Variants in CHD5 observed in about 807,000 individuals in gnomAD.
The protein encoded by CHD5 is chromodomain helicase DNA binding protein 5.
Under a neutral mutation model 230.3 loss-of-function variants are expected in CHD5, and 69 were observed. The observed-to-expected ratio is 0.30, with a 90% CI of 0.25 to 0.37. CHD5 has a LOEUF of 0.37. Among genes scored for constraint, CHD5 ranks in the 10% least tolerant of loss-of-function variants. The probability of loss-of-function intolerance (pLI) is 1.00; values close to 1 mark genes in which losing one functional copy is unlikely to be tolerated. For missense variants in CHD5, 1,827 were observed against 2,622.8 expected, an observed-to-expected ratio of 0.70 and a Z score of 6.63; for synonymous variants, 1,064 against 1,065.9, an observed-to-expected ratio of 1.00 and a Z score of 0.03.
chr1:6,142,064 C>A lies in CHD5; in HGVS notation c.2436+64G>T. 6.9e-7 allele frequency: 1 copy of A among 1,454,672 alleles called. No homozygotes were observed. The highest frequency in any genetic ancestry group is 9.6e-7 in the Non-Finnish European group (1 of 1,039,300). The allele number at this position is 1,454,672 out of a possible 1,614,324, so 90.1% of individuals were successfully genotyped here. ...AGGGACCCCAAAGGAGTGCACGGCA[C>A]CCGTGGTCCCTGAACTAGACCGGGG... is the stretch of plus-strand genomic sequence containing the variant. On this transcript the variant is annotated intron_variant, in intron 15 of 41. Transcript: ENST00000262450. This position sits in a 1 kb window ranked among gnomAD's most constrained non-coding sequence, Gnocchi z 5.2.
intron 38 of CHD5, among the ~76,000 whole-genome samples, chr1:6,108,225 C>T (rs1167934469): frequency 1.2e-5 from 1 of 84,726 alleles, no homozygotes; most frequent in East Asian, 4.3e-4. Flanking sequence ...GAGAGATGGA[C>T]GGGTGGAAGG....
rs537399787 is a variant in CHD5 at position 6,175,900 on chromosome 1, A to G, written c.79+4045T>C. ...TGGATGAATAGTGGATAGGAAGAAC[A>G]GATGGATGGATGGATATGGTATGGA... On this transcript the variant is annotated intron_variant, in intron 1 of 41. Coordinates refer to ENST00000262450, the MANE Select transcript of CHD5 (RefSeq NM_015557.3). Among the ~76,000 whole-genome samples, 15 of 151,702 alleles carry G rather than the reference A, an allele frequency of 9.9e-5. 1 individual carries two copies. In the South Asian group the frequency reaches 1.7e-3, roughly 17 times the overall value.
At chr1:6,138,702 T>G (rs1666782190) in intron 15 of CHD5, among the ~76,000 whole-genome samples, 1 of 152,246 alleles carries the variant, frequency 6.6e-6, no homozygotes, top group Admixed American at 6.5e-5. Flanking sequence ...GAGCTAAGTC[T>G]GTTTCTCAAA....
intron 2 of CHD5, among the ~76,000 whole-genome samples, chr1:6,164,906 G>C (rs1042203774): frequency 6.6e-6 from 1 of 152,114 alleles, no homozygotes; most frequent in South Asian, 2.1e-4. Flanking sequence ...GGTACAGGGG[G>C]AAGAGAGAAA....
At position 6,105,469 on chromosome 1, in the gene CHD5, TA is replaced by T. The variant is rs1557532733; in HGVS notation, c.*47-43del. On this transcript the variant is annotated intron_variant, in intron 41 of 41. Transcript: ENST00000262450. This position sits in a 1 kb window ranked among gnomAD's most constrained non-coding sequence, Gnocchi z 4.8. ...AGTGGGTTAAGCAGGTGGGCAGTTA[TA>T]GGGGGCATCAGGGTGGCACCCAACA... The T allele has an allele frequency of 1.3e-5, 6 of 465,552 alleles. No individual in the cohort carries two copies. Among genetic ancestry groups the T allele is most frequent in the East Asian group, 7.0e-5 (1 of 14,332 alleles). The allele number at this position is 465,552 out of a possible 1,614,324, so 28.8% of individuals were successfully genotyped here. A position where few individuals can be genotyped will look rare whatever the true frequency, so the allele number is the denominator to read the frequency against.
chr1:6,155,492 G>A lies in CHD5; in HGVS notation c.506+107C>T. ...CAGGTTGCTCAGTCGGTCTGACAGA[G>A]CCCACCCCTACCCCAGGTGCCGGGG... On this transcript the variant is annotated intron_variant, in intron 4 of 41. Transcript: ENST00000262450. This position sits in a 1 kb window ranked among gnomAD's most constrained non-coding sequence, Gnocchi z 4.0. 1 of 953,592 alleles carries A rather than the reference G, an allele frequency of 1.0e-6. No homozygotes were observed. Among genetic ancestry groups the A allele is most frequent in the Non-Finnish European group, 1.7e-6 (1 of 605,938 alleles). 59.1% of individuals were successfully genotyped at this position (953,592 alleles called of 1,614,324 possible).
chr1:6,178,922 C>T (rs968038137), intron 1 of CHD5, among the ~76,000 whole-genome samples: 3 of 152,170 alleles, frequency 2.0e-5, no homozygotes, highest in African/African-American at 7.2e-5. Context: ...GGGCCTCCAG[C>T]CTCCCACAAG....
chr1:6,179,473 G>A (rs1211055156), intron 1 of CHD5, among the ~76,000 whole-genome samples: 2 of 152,078 alleles, frequency 1.3e-5, no homozygotes, highest in Non-Finnish European at 2.9e-5. Flanking sequence ...CCCCTCTCTG[G>A]GCCCCACCCA....
Position 6,112,120 on chromosome 1 carries a change from C to T in CHD5, c.5140+20G>A. The T allele has an allele frequency of 6.2e-7, 1 of 1,610,708 alleles. No homozygotes were observed. The highest frequency in any genetic ancestry group is 8.5e-7 in the Non-Finnish European group (1 of 1,178,070). On this transcript the variant is annotated intron_variant, in intron 35 of 41. Coordinates refer to ENST00000262450, the MANE Select transcript of CHD5 (RefSeq NM_015557.3). ...CAGTCAGGAAGCCTCAGCTCTCTGC[C>T]CAACCCCCAACCCCAATACCCGTGA...
chr1:6,135,528 A>G (rs1048363738), intron 17 of CHD5, 125 bp from the exon 18 acceptor site: 27 of 774,914 alleles, frequency 3.5e-5, no homozygotes, highest in Non-Finnish European at 5.5e-5. Flanking sequence ...ATTGCCCTGG[A>G]TATCGTCTCA....
At chr1:6,170,203 T>G (rs984460893) in intron 1 of CHD5, among the ~76,000 whole-genome samples, 1 of 152,026 alleles carries the variant, frequency 6.6e-6, no homozygotes, top group African/African-American at 2.4e-5. Context: ...ACCCCCAGTG[T>G]GGCCCACACG....
chr1:6,148,756 G>A lies in CHD5; in HGVS notation c.1383+98C>T, dbSNP rs531114216. 73 of 922,190 alleles carry A rather than the reference G, an allele frequency of 7.9e-5. 1 individual carries two copies. In the South Asian group the frequency reaches 1.6e-3, roughly 20 times the overall value. 57.1% of individuals were successfully genotyped at this position (922,190 alleles called of 1,614,324 possible). On this transcript the variant is annotated intron_variant, in intron 9 of 41. Coordinates refer to ENST00000262450, the MANE Select transcript of CHD5 (RefSeq NM_015557.3). ...ACCGAGGCGGGGCAGGAGCCGGCAGGGGCGGGGCCTTTTGAGGAGGGCAGG... is the reference window on the plus strand; with the variant it reads ...ACCGAGGCGGGGCAGGAGCCGGCAGAGGCGGGGCCTTTTGAGGAGGGCAGG...
Position 6,146,774 on chromosome 1 carries a change from T to G in CHD5, c.1481A>C (p.Glu494Ala). The stretch of plus-strand genomic sequence containing the variant: ...GGGCTTAGGTGGAGGGAGGCTGGGC[T>G]CCACGTCAGGCCCCGGCAGCCCCAC... ...FMVGLPGPDV[E>A]PSLPPPKPLE... The change falls in exon 10 of 42, where the codon GAG becomes GCG. Residue 494 changes from glutamate to alanine, a missense_variant. Physicochemically the swap from Glu to Ala is moderately radical, Grantham distance 107. This residue lies in a region of CHD5 where 657 missense variants were observed against 816.4 expected (regional missense o/e 0.80). Coordinates refer to ENST00000262450, the MANE Select transcript of CHD5 (RefSeq NM_015557.3). This position sits in a 1 kb window ranked among gnomAD's most constrained non-coding sequence, Gnocchi z 5.1. 6.2e-7 allele frequency: 1 copy of G among 1,603,618 alleles called. No individual in the cohort carries two copies. Among genetic ancestry groups the G allele is most frequent in the Admixed American group, 1.7e-5 (1 of 59,260 alleles).
rs55711410 is a variant in CHD5 at position 6,140,179 on chromosome 1, G to A, written c.2436+1949C>T. Among the ~76,000 whole-genome samples, 850 of 152,216 alleles carry A rather than the reference G, an allele frequency of 5.6e-3. 4 individuals are homozygous for A. The highest frequency in any genetic ancestry group is 8.1e-3 in the Non-Finnish European group (552 of 68,004). On this transcript the variant is annotated intron_variant, in intron 15 of 41. Transcript: ENST00000262450. ...GCACCTTAAGAGGCCGAGGTGGGCGGATCATGAGGTCAAGAGATCGAGACC... is the reference window on the plus strand; with the variant it reads ...GCACCTTAAGAGGCCGAGGTGGGCGAATCATGAGGTCAAGAGATCGAGACC...
chr1:6,112,282 C>T lies in CHD5; in HGVS notation c.5003-5G>A, dbSNP rs201350471. On this transcript the variant is annotated splice_polypyrimidine_tract_variant and splice_region_variant and intron_variant, in intron 34 of 41. Transcript: ENST00000262450. ...TCTCCTCAGCCTTGGTGTCATCTGC[C>T]GGGGACAGATCACATTCATTCATCC... is the stretch of plus-strand genomic sequence containing the variant. The T allele has an allele frequency of 1.5e-3, 2,472 of 1,613,678 alleles. 4 individuals are homozygous for T. The highest frequency in any genetic ancestry group is 4.1e-3 in the Middle Eastern group (25 of 6,062).
In CHD5 at chr1:6,131,829, A is replaced by G. The variant is rs1387610349; in HGVS notation, c.3145-81T>C. On this transcript the variant is annotated intron_variant, in intron 20 of 41. Transcript: ENST00000262450. This position sits in a 1 kb window ranked among gnomAD's most constrained non-coding sequence, Gnocchi z 5.0. Reference sequence around the variant, plus strand: ...CATGGGCGGGGACCCCGCCACAGGCAGGGGAGGAGAGAGCTGCCTGCTAGG... The same window carrying G: ...CATGGGCGGGGACCCCGCCACAGGCGGGGGAGGAGAGAGCTGCCTGCTAGG... 6 of 803,270 alleles carry G rather than the reference A, an allele frequency of 7.5e-6. No individual in the cohort carries two copies. Among genetic ancestry groups the G allele is most frequent in the Non-Finnish European group, 1.3e-5 (6 of 469,652 alleles). The allele number at this position is 803,270 out of a possible 1,614,324, so 49.8% of individuals were successfully genotyped here. A position where few individuals can be genotyped will look rare whatever the true frequency, so the allele number is the denominator to read the frequency against.
At chr1:6,114,328 C>T (rs972915226) in intron 33 of CHD5, among the ~76,000 whole-genome samples, 2 of 151,962 alleles carry the variant, frequency 1.3e-5, no homozygotes, top group African/African-American at 4.8e-5. Context: ...CCCCACCAGC[C>T]GACGCACAGG....
At position 6,106,262 on chromosome 1, in the gene CHD5, G is replaced by A. The variant is rs1226400315; in HGVS notation, c.*18C>T. On this transcript the variant is annotated 3_prime_UTR_variant, in exon 41 of 42. Coordinates refer to ENST00000262450, the MANE Select transcript of CHD5 (RefSeq NM_015557.3). ...AGCTGGAAATGAGCGCTGCAACACA[G>A]GGAAGTCTCGAGGACGGCTAGATAT... 3.7e-6 allele frequency: 6 copies of A among 1,612,828 alleles called. 1 individual carries two copies. The highest frequency in any genetic ancestry group is 5.1e-6 in the Non-Finnish European group (6 of 1,179,968).
Position 6,154,932 on chromosome 1 carries a change from G to A in CHD5, c.507-34C>T, listed in dbSNP as rs753066992. 1 of 1,593,486 alleles carries A rather than the reference G, an allele frequency of 6.3e-7. No homozygotes were observed. The highest frequency in any genetic ancestry group is 1.1e-5 in the South Asian group (1 of 89,022). On this transcript the variant is annotated intron_variant, in intron 4 of 41. Transcript: ENST00000262450. This position sits in a 1 kb window ranked among gnomAD's most constrained non-coding sequence, Gnocchi z 7.0. ...GGAGAGGCAGGAGGGTGAGGGCAAG[G>A]CCAGGTGAGATGAGAGGCCCACCCG...
Sources: allele counts gnomAD v4.1 joint callset (sites outside exome capture counted in the v4.1 genomes callset), GRCh38; gene constraint gnomAD v4.1.1; regional missense constraint gnomAD v4.1.1; non-coding constraint Gnocchi (gnomAD v3.1); transcripts MANE v1.5; gene names NCBI Gene and HGNC (gene_info 2026-07-23, HGNC 2026-07-21).